NUP210L: variants seen among roughly 807,000 people sequenced by gnomAD.
The protein encoded by NUP210L is nuclear pore membrane glycoprotein 210-like.
In NUP210L, 74 loss-of-function variants were observed where a neutral mutation model predicts 208.5. The ratio of observed to expected loss-of-function variants is 0.35; its 90% CI spans 0.29 to 0.43. The LOEUF is 0.43. Ranked by LOEUF, NUP210L falls within the 20% of genes least tolerant of loss-of-function variation. The pLI, the probability that NUP210L is intolerant of heterozygous loss-of-function variation, is 1.00. For synonymous variants in NUP210L, 780 were observed against 816.9 expected, an observed-to-expected ratio of 0.95 and a Z score of 0.77; for missense variants, 1,843 against 2,289.4, an observed-to-expected ratio of 0.81 and a Z score of 3.98.
chr1:154,104,112 T>C (rs1332566481), exon 13 of NUP210L: 1 of 1,613,948 alleles, frequency 6.2e-7, no homozygotes, highest in Admixed American at 1.7e-5. Flanking sequence ...TCTCTTTATT[T>C]ATGTGATACA....
At chr1:154,017,242 T>C (rs1270689137) in intron 33 of NUP210L, among the ~76,000 whole-genome samples, 8 of 150,328 alleles carry the variant, frequency 5.3e-5, no homozygotes, top group African/African-American at 2.0e-4. Context: ...GATTAAACCA[T>C]TGCTCTCCAG....
At chr1:154,070,492 C>T in intron 16 of NUP210L, 27 bp from the exon 17 acceptor site, 1 of 1,441,354 alleles carries the variant, frequency 6.9e-7, no homozygotes, top group Non-Finnish European at 9.3e-7. Context: ...AGTAATAAAA[C>T]AACAATTTAA....
At chr1:154,094,420 T>C (rs888243458) in intron 15 of NUP210L, among the ~76,000 whole-genome samples, 4 of 152,194 alleles carry the variant, frequency 2.6e-5, no homozygotes, top group Non-Finnish European at 5.9e-5. Context: ...ATCGTGCCAC[T>C]GCGCTCCAGC....
chr1:154,117,756 A>G (rs1189852731), exon 12 of NUP210L: 1 of 1,547,864 alleles, frequency 6.5e-7, no homozygotes, highest in Middle Eastern at 1.7e-4. Context: ...GGGATTTTGT[A>G]CATCTCGGGC....
At chr1:154,078,125 C>T (rs1390333495) in intron 16 of NUP210L, among the ~76,000 whole-genome samples, 1 of 143,694 alleles carries the variant, frequency 7.0e-6, no homozygotes, top group African/African-American at 2.6e-5. Flanking sequence ...GGCAACACAG[C>T]GAGACCTCAT....
intron 7 of NUP210L, among the ~76,000 whole-genome samples, chr1:154,134,316 A>G (rs2148130346): frequency 6.6e-6 from 1 of 152,066 alleles, no homozygotes; most frequent in Non-Finnish European, 1.5e-5. Flanking sequence ...CAAAAAAAAT[A>G]CCAAATAAAA....
At chr1:154,049,594 A>G (rs1653375965) in intron 25 of NUP210L, among the ~76,000 whole-genome samples, 1 of 152,198 alleles carries the variant, frequency 6.6e-6, no homozygotes, top group Admixed American at 6.5e-5. Flanking sequence ...TAGTTACTGA[A>G]CAATTAGAAA....
At chr1:154,046,708 A>T (rs1194016046) in intron 25 of NUP210L, among the ~76,000 whole-genome samples, 1 of 152,212 alleles carries the variant, frequency 6.6e-6, no homozygotes, top group Non-Finnish European at 1.5e-5. Context: ...TAAACTTCCC[A>T]TGTTCTCACT....
At chr1:154,011,890 TTGGTCAGGCTGGTCTTGAACTCC>T (rs1163451571) in intron 34 of NUP210L, among the ~76,000 whole-genome samples, 2 of 151,794 alleles carry the variant, frequency 1.3e-5, no homozygotes, top group African/African-American at 2.4e-5. Context: ...TTTCACCATG[TTGGTCAGGCTGGTCTTGAACTCC>T]TGGTCAGGCT....
Position 154,114,786 on chromosome 1 carries a change from G to C in NUP210L, c.1620+2939C>G, listed in dbSNP as rs1027119515. On this transcript the variant is annotated intron_variant, in intron 12 of 39. Coordinates refer to ENST00000368559, the Ensembl canonical transcript of NUP210L. Reference sequence around the variant, plus strand: ...ATTTTTTTTTTAAGAGATGGGGGGGGGGGTCTTGCTTTGTTGTCCAGGCTG... The same window carrying C: ...ATTTTTTTTTTAAGAGATGGGGGGGCGGGTCTTGCTTTGTTGTCCAGGCTG... 1.1e-3 allele frequency among the ~76,000 whole-genome samples: 165 copies of C among 150,674 alleles called. 1 individual carries two copies. The highest frequency in any genetic ancestry group is 3.7e-4 in the Non-Finnish European group (25 of 67,592).
At chr1:153,996,100 G>A (rs1649843566) in intron 37 of NUP210L, 1 of 289,950 alleles carries the variant, frequency 3.4e-6, no homozygotes, top group Admixed American at 4.1e-5. Context: ...AGACCATCCT[G>A]GCTAACATGG....
At chr1:153,994,429 A>G (rs1649701126) in intron 38 of NUP210L, among the ~76,000 whole-genome samples, 1 of 151,896 alleles carries the variant, frequency 6.6e-6, no homozygotes, top group African/African-American at 2.4e-5. Flanking sequence ...CTTCTGCCTC[A>G]GCCTCCCGAG....
rs560255001 is a variant in NUP210L at position 154,036,073 on chromosome 1, A to G, written c.3697-6019T>C. Among the ~76,000 whole-genome samples the G allele has an allele frequency of 3.5e-4, 53 of 152,032 alleles. 1 individual carries two copies. The highest frequency in any genetic ancestry group is 1.3e-3 in the African/African-American group (52 of 41,464). On this transcript the variant is annotated intron_variant, in intron 27 of 39. Coordinates refer to ENST00000368559, the Ensembl canonical transcript of NUP210L. Reference sequence around the variant, plus strand: ...TAGTACTGCTTTCACTGTATCTCATAGGTTTTGTTGTGTTTCCATTTTCAT... The same window carrying G: ...TAGTACTGCTTTCACTGTATCTCATGGGTTTTGTTGTGTTTCCATTTTCAT...
At chr1:154,068,239 T>A (rs1654515604) in intron 17 of NUP210L, among the ~76,000 whole-genome samples, 1 of 152,120 alleles carries the variant, frequency 6.6e-6, no homozygotes. Flanking sequence ...AACAGAGATA[T>A]AGACCAATGG....
At chr1:154,149,089 T>C (rs920448917) in intron 2 of NUP210L, among the ~76,000 whole-genome samples, 2 of 145,698 alleles carry the variant, frequency 1.4e-5, no homozygotes, top group East Asian at 4.0e-4. Context: ...AAACTTCTCT[T>C]TTTTTTTTTT....
At chr1:154,051,071 G>A (rs532769520) in intron 25 of NUP210L, among the ~76,000 whole-genome samples, 4 of 152,118 alleles carry the variant, frequency 2.6e-5, no homozygotes, top group Non-Finnish European at 5.9e-5. Flanking sequence ...TTACCCAATT[G>A]CAAATAGCAG....
intron 37 of NUP210L, among the ~76,000 whole-genome samples, chr1:153,995,422 A>G (rs1050349446): frequency 1.3e-5 from 2 of 152,174 alleles, no homozygotes; most frequent in African/African-American, 4.8e-5. Flanking sequence ...CCTTCTTAGT[A>G]AGAGAGAAGA....
intron 35 of NUP210L, among the ~76,000 whole-genome samples, chr1:154,008,985 T>C (rs1430123153): frequency 6.6e-6 from 1 of 151,922 alleles, no homozygotes; most frequent in African/African-American, 2.4e-5. Context: ...TTTTGGCTCA[T>C]TGCAACTTCC....
At chr1:154,129,658 T>A (rs774166114) in intron 7 of NUP210L, among the ~76,000 whole-genome samples, 1 of 152,082 alleles carries the variant, frequency 6.6e-6, no homozygotes, top group African/African-American at 2.4e-5. Context: ...AATACCTACA[T>A]AGGAGCCCAG....
Sources: allele counts gnomAD v4.1 joint callset (sites outside exome capture counted in the v4.1 genomes callset), GRCh38; gene constraint gnomAD v4.1.1; transcripts MANE v1.5; gene names NCBI Gene and HGNC (gene_info 2026-07-23, HGNC 2026-07-21).